The following RASAL2 variants were observed in gnomAD, a reference collection of about 807,000 sequenced individuals.
The protein encoded by RASAL2 is RAS protein activator like 2, also known as ras GTPase-activating protein nGAP.
Under a neutral mutation model 128.9 loss-of-function variants are expected in RASAL2, and 58 were observed. The observed-to-expected ratio is 0.45, with a 90% CI of 0.36 to 0.56. The LOEUF (loss-of-function observed/expected upper bound fraction) is 0.56. Ranked by LOEUF, RASAL2 falls within the 20% of genes least tolerant of loss-of-function variation. The pLI is 0.00. For synonymous variants in RASAL2, 561 were observed against 580.8 expected (o/e 0.97, Z 0.49); for missense variants, 1,360 against 1,601.6 (o/e 0.85, Z 2.57).
rs1347483372 is a variant in RASAL2 at position 178,475,618 on chromosome 1, G to C, written c.*2379G>C. Reference sequence around the variant, plus strand: ...AAGTGCCGATTATGGATTACAGAGGGCTGATAAAATTACTTATATTGGGAA... The same window carrying C: ...AAGTGCCGATTATGGATTACAGAGGCCTGATAAAATTACTTATATTGGGAA... On this transcript the variant is annotated 3_prime_UTR_variant, in exon 18 of 18. Coordinates refer to ENST00000367649, the MANE Select transcript of RASAL2 (RefSeq NM_170692.4). 2 of 152,180 alleles carry C rather than the reference G, an allele frequency of 1.3e-5. No homozygotes were observed. The highest frequency in any genetic ancestry group is 4.8e-5 in the African/African-American group (2 of 41,428). The allele number at this position is 152,180 out of a possible 1,614,324, so 9.4% of individuals were successfully genotyped here. A position where few individuals can be genotyped will look rare whatever the true frequency, so the allele number is the denominator to read the frequency against.
chr1:178,160,940 T>C (rs571761881), intron 1 of RASAL2, among the ~76,000 whole-genome samples: 15 of 152,312 alleles, frequency 9.8e-5, no homozygotes, highest in Admixed American at 8.5e-4. Flanking sequence ...ACCCTAATAG[T>C]GTTCCATTTG....
chr1:178,405,503 G>C (rs1047050274), intron 4 of RASAL2, among the ~76,000 whole-genome samples: 1 of 152,214 alleles, frequency 6.6e-6, no homozygotes, highest in Non-Finnish European at 1.5e-5. Context: ...GATCCAGTCA[G>C]ATCACGAGAC....
chr1:178,096,108 C>A (rs116538685), intron 1 of RASAL2, among the ~76,000 whole-genome samples: 13 of 152,262 alleles, frequency 8.5e-5, no homozygotes, highest in African/African-American at 3.1e-4. Flanking sequence ...CCTGATTTTC[C>A]GTCTGCCTGC....
chr1:178,337,047 C>T (rs1482284159), intron 3 of RASAL2, among the ~76,000 whole-genome samples: 1 of 151,868 alleles, frequency 6.6e-6, no homozygotes, highest in Non-Finnish European at 1.5e-5. Flanking sequence ...TGCCTACTCC[C>T]TATAATACTT....
chr1:178,153,715 G>T (rs1660986443), intron 1 of RASAL2, among the ~76,000 whole-genome samples: 1 of 152,002 alleles, frequency 6.6e-6, no homozygotes, highest in South Asian at 2.1e-4. Flanking sequence ...TAATATTTTG[G>T]CTAAGAATAA....
intron 1 of RASAL2, among the ~76,000 whole-genome samples, chr1:178,102,046 A>G (rs931120578): frequency 4.0e-5 from 6 of 151,528 alleles, no homozygotes; most frequent in Non-Finnish European, 7.4e-5. Context: ...TATTTTTCCT[A>G]AGCTTATTAT....
At chr1:178,135,552 G>C (rs983183170) in intron 1 of RASAL2, among the ~76,000 whole-genome samples, 2 of 145,874 alleles carry the variant, frequency 1.4e-5, no homozygotes, top group Non-Finnish European at 3.0e-5. Flanking sequence ...AATTCCTAAG[G>C]CTAAACTGAG....
chr1:178,419,029 A>G (rs150007508), intron 4 of RASAL2, among the ~76,000 whole-genome samples: 30 of 152,280 alleles, frequency 2.0e-4, no homozygotes, highest in Admixed American at 5.9e-4. Flanking sequence ...TGATTAGATA[A>G]TCATAACCTA....
At chr1:178,351,254 A>G (rs1240835126) in intron 3 of RASAL2, among the ~76,000 whole-genome samples, 1 of 152,134 alleles carries the variant, frequency 6.6e-6, no homozygotes, top group East Asian at 1.9e-4. Context: ...ATATCATTCC[A>G]CCCTTGGCCC....
intron 1 of RASAL2, among the ~76,000 whole-genome samples, chr1:178,274,080 A>G (rs1021158483): frequency 6.6e-6 from 1 of 152,206 alleles, no homozygotes; most frequent in Non-Finnish European, 1.5e-5. Flanking sequence ...ATTGCACTTG[A>G]TGCTATAAAT....
chr1:178,288,534 C>T (rs1667134459), intron 2 of RASAL2, among the ~76,000 whole-genome samples: 2 of 151,376 alleles, frequency 1.3e-5, no homozygotes, highest in Non-Finnish European at 2.9e-5. Context: ...TATTTCTTGC[C>T]TGTTCAAGGA....
intron 1 of RASAL2, among the ~76,000 whole-genome samples, chr1:178,214,035 G>A (rs1663343078): frequency 6.6e-6 from 1 of 152,016 alleles, no homozygotes; most frequent in Non-Finnish European, 1.5e-5. Context: ...CTTTGGGATT[G>A]CTTGAGGCCA....
At chr1:178,406,917 T>G (rs899387322) in intron 4 of RASAL2, among the ~76,000 whole-genome samples, 1 of 152,048 alleles carries the variant, frequency 6.6e-6, no homozygotes, top group East Asian at 1.9e-4. Context: ...TTTATTAATT[T>G]CTGTGCTTTG....
In RASAL2 at chr1:178,443,136, G is replaced by A; in HGVS notation, c.1389G>A (p.Leu463=). The change falls in exon 8 of 18, where the codon CTG becomes CTA. Residue 463 remains leucine, a synonymous_variant. Transcript: ENST00000367649. ...AEFVTSNYTM[L]CSVLEPVISV... ...TTGTCACCAGCAACTACACCATGCT[G>A]TGTTCTGTCCTTGAGCCAGTAATTA... 1 of 1,613,844 alleles carries A rather than the reference G, an allele frequency of 6.2e-7. No homozygotes were observed. The highest frequency in any genetic ancestry group is 8.5e-7 in the Non-Finnish European group (1 of 1,179,792).
chr1:178,253,278 A>T (rs1032015206), intron 1 of RASAL2, among the ~76,000 whole-genome samples: 1 of 152,024 alleles, frequency 6.6e-6, no homozygotes, highest in East Asian at 1.9e-4. Context: ...GGGTGATTAG[A>T]TTTCAGACTC....
At chr1:178,373,291 C>G (rs184877156) in intron 3 of RASAL2, among the ~76,000 whole-genome samples, 217 of 18,946 alleles carry the variant, frequency 0.011, 1 homozygote, top group Middle Eastern at 0.043. Flanking sequence ...TTTTTTTTTG[C>G]AGTTTAGATG....
At chr1:178,156,350 T>G (rs186780396) in intron 1 of RASAL2, among the ~76,000 whole-genome samples, 1 of 152,328 alleles carries the variant, frequency 6.6e-6, no homozygotes, top group African/African-American at 2.4e-5. Flanking sequence ...ATTGTGTGAT[T>G]TCTACCCTTT....
intron 3 of RASAL2, among the ~76,000 whole-genome samples, chr1:178,345,568 T>G (rs1392661930): frequency 6.6e-6 from 1 of 152,202 alleles, no homozygotes; most frequent in Non-Finnish European, 1.5e-5. Flanking sequence ...TTTCCATTTT[T>G]AAGATTCTGG....
At chr1:178,150,758 G>A in intron 1 of RASAL2, among the ~76,000 whole-genome samples, 1 of 152,046 alleles carries the variant, frequency 6.6e-6, no homozygotes, top group Non-Finnish European at 1.5e-5. Flanking sequence ...ATCAATACTT[G>A]TGTTGTTTTT....
Sources: gnomAD v4.1 joint callset for allele counts (sites outside exome capture counted in the v4.1 genomes callset) on GRCh38, gnomAD v4.1.1 for gene constraint, MANE v1.5 for transcripts, NCBI Gene and HGNC (gene_info 2026-07-23, HGNC 2026-07-21) for gene names.